ABCA12: variants seen among roughly 807,000 people sequenced by gnomAD.
ABCA12 encodes ATP binding cassette subfamily A member 12.
ABCA12 carries 156 observed loss-of-function variants against 293.5 expected under a neutral mutation model. The ratio of observed to expected loss-of-function variants is 0.53; its 90% CI spans 0.47 to 0.61. ABCA12 has a LOEUF of 0.61. Ranked by LOEUF, ABCA12 falls within the 20% of genes least tolerant of loss-of-function variation. The pLI, the probability that ABCA12 is intolerant of heterozygous loss-of-function variation, is 0.00. For synonymous variants in ABCA12, 1,063 were observed against 1,108.0 expected, an observed-to-expected ratio of 0.96 and a Z score of 0.81; for missense variants, 2,797 against 3,090.2, an observed-to-expected ratio of 0.91 and a Z score of 2.25.
At chr2:214,999,895 A>C in intron 22 of ABCA12, 3 of 920,914 alleles carry the variant, frequency 3.3e-6, no homozygotes, top group Non-Finnish European at 3.9e-6. Context: ...AAAAGAAGAG[A>C]AAAGAAAAAT....
intron 7 of ABCA12, among the ~76,000 whole-genome samples, chr2:215,045,084 C>T (rs1192753036): frequency 3.3e-5 from 5 of 152,138 alleles, no homozygotes; most frequent in East Asian, 1.9e-4. Context: ...TGTGTACAAA[C>T]GACTTGGTAA....
chr2:215,037,667 C>T (rs555013006), intron 7 of ABCA12, among the ~76,000 whole-genome samples: 4 of 152,112 alleles, frequency 2.6e-5, no homozygotes, highest in East Asian at 1.9e-4. Flanking sequence ...TTTATGTTAC[C>T]GATAAGATGG....
At chr2:215,102,599 A>G (rs1415008336) in intron 2 of ABCA12, among the ~76,000 whole-genome samples, 1 of 152,200 alleles carries the variant, frequency 6.6e-6, no homozygotes, top group Non-Finnish European at 1.5e-5. Context: ...ACCCTGTCTC[A>G]AAAAAATAAA....
intron 2 of ABCA12, among the ~76,000 whole-genome samples, chr2:215,073,434 T>C (rs1701775891): frequency 6.6e-6 from 1 of 151,958 alleles, no homozygotes; most frequent in Admixed American, 6.6e-5. Flanking sequence ...AGGAAGATGG[T>C]TTTAGCCTCT....
rs763023550 is a variant in ABCA12, at chr2:215,111,602, G to T, written c.158C>A (p.Pro53Gln). 1.2e-6 allele frequency: 2 copies of T among 1,600,224 alleles called. No individual in the cohort carries two copies. The highest frequency in any genetic ancestry group is 2.2e-5 in the East Asian group (1 of 44,686). ...TRTKFPPTAK[P>Q]TCYLAPRNLP... is the part of the protein sequence containing the mutation. ...AACAAATGTCATTTACTTACAAGTT[G>T]GTTTTGCAGTTGGAGGAAATTTGGT... The change falls in exon 2 of 53, where the codon CCA becomes CAA. Residue 53 changes from proline (P) to glutamine (Q), a missense_variant. Transcript: ENST00000272895.
At chr2:214,976,153 A>G (rs772373772) in intron 33 of ABCA12, 116 bp from the exon 34 acceptor site, 63 of 1,422,106 alleles carry the variant, frequency 4.4e-5, no homozygotes, top group Non-Finnish European at 5.9e-5. Flanking sequence ...GCTTTTAAAG[A>G]TTTGGATTTG....
At chr2:215,027,949 C>T (rs1182494634) in intron 9 of ABCA12, among the ~76,000 whole-genome samples, 2 of 152,200 alleles carry the variant, frequency 1.3e-5, no homozygotes, top group Non-Finnish European at 2.9e-5. Context: ...TTTCAGGCTA[C>T]ATGAGTGAGT....
chr2:214,982,436 C>T lies in ABCA12; in HGVS notation c.4383-53G>A, dbSNP rs1699690335. Reference sequence around the variant, plus strand: ...TTTTTACAGATATACTATTTGAGTACTGGAAACATACAATAACCCTAATTG... The same window carrying T: ...TTTTTACAGATATACTATTTGAGTATTGGAAACATACAATAACCCTAATTG... On this transcript the variant is annotated intron_variant, in intron 29 of 52. Coordinates refer to ENST00000272895, the MANE Select transcript of ABCA12 (RefSeq NM_173076.3). 2.7e-6 allele frequency: 4 copies of T among 1,477,332 alleles called. No homozygotes were observed. In the Admixed American group the frequency reaches 5.0e-5, roughly 19 times the overall value. 91.5% of individuals were successfully genotyped at this position (1,477,332 alleles called of 1,614,324 possible).
chr2:214,999,365 C>T (rs1204952300), intron 22 of ABCA12, among the ~76,000 whole-genome samples: 1 of 152,050 alleles, frequency 6.6e-6, no homozygotes, highest in Non-Finnish European at 1.5e-5. Context: ...TAGTGTAGTA[C>T]CAGTTATATT....
intron 1 of ABCA12, among the ~76,000 whole-genome samples, chr2:215,112,957 C>A (rs1036804576): frequency 6.6e-6 from 1 of 152,176 alleles, no homozygotes; most frequent in Non-Finnish European, 1.5e-5. Context: ...AGAACATTAA[C>A]TGTGATATGC....
chr2:215,001,472 C>G (rs1700144308), intron 21 of ABCA12, 86 bp downstream of exon 21: 1 of 1,570,650 alleles, frequency 6.4e-7, no homozygotes, highest in Non-Finnish European at 8.7e-7. Context: ...CACTAGTTTT[C>G]TGAGTTCTGG....
intron 3 of ABCA12, among the ~76,000 whole-genome samples, chr2:215,062,202 C>A (rs563195800): frequency 1.5e-4 from 23 of 152,112 alleles, no homozygotes; most frequent in Admixed American, 6.6e-5. Context: ...TGTTTTCCCT[C>A]CGCTGCTAGA....
chr2:215,119,131 T>G (rs1198968617), intron 1 of ABCA12, among the ~76,000 whole-genome samples: 2 of 152,064 alleles, frequency 1.3e-5, no homozygotes, highest in Admixed American at 6.6e-5. Flanking sequence ...CCACCACGCC[T>G]GGCTAAGTTT....
rs1698862618 is a variant in ABCA12, at chr2:214,953,991, T to C, written c.6510A>G (p.Lys2170=). 13 of 1,614,120 alleles carry C rather than the reference T, an allele frequency of 8.1e-6. No homozygotes were observed. Among genetic ancestry groups the C allele is most frequent in the Non-Finnish European group, 1.1e-5 (13 of 1,179,986 alleles). ...CATTTGGGTATTCCACTCCATATGCTTTTAAGAAGTCTAGGACCGACTGTT... is the reference window on the plus strand; with the variant it reads ...CATTTGGGTATTCCACTCCATATGCCTTTAAGAAGTCTAGGACCGACTGTT... The part of the protein sequence containing the change: ...SQQQSVLDFL[K]AYGVEYPNET... Residue 2170 remains lysine, a synonymous_variant, in exon 44 of 53, where the codon AAA becomes AAG. Coordinates refer to ENST00000272895, the MANE Select transcript of ABCA12 (RefSeq NM_173076.3).
chr2:214,993,981 ATT>A (rs1699981445), intron 23 of ABCA12, among the ~76,000 whole-genome samples: 1 of 152,066 alleles, frequency 6.6e-6, no homozygotes, highest in South Asian at 2.1e-4. Context: ...GAGACTCATC[ATT>A]TTGCTTTTTC....
chr2:215,059,622 T>A (rs1701489181), intron 3 of ABCA12, among the ~76,000 whole-genome samples: 1 of 151,998 alleles, frequency 6.6e-6, no homozygotes. Context: ...AGAGGCTAAC[T>A]AATACATTTC....
Position 214,956,676 on chromosome 2 carries a change from G to A in ABCA12, c.6220C>T (p.Leu2074Phe). 1.9e-6 allele frequency: 3 copies of A among 1,612,388 alleles called. No homozygotes were observed. Among genetic ancestry groups the A allele is most frequent in the Non-Finnish European group, 2.5e-6 (3 of 1,178,612 alleles). Residue 2074 changes from leucine to phenylalanine, a missense_variant, in exon 42 of 53, where the codon CTT becomes TTT. Leu to Phe is a conservative substitution (Grantham distance 22, BLOSUM62 0). Around this residue, in one of 3 missense-constraint regions of ABCA12, gnomAD observed 2,130 missense variants for 2,427.0 expected, o/e 0.88. Coordinates refer to ENST00000272895, the MANE Select transcript of ABCA12 (RefSeq NM_173076.3). ...TCAGCAGCTTACCCAAACAGGAGAAGTAGGAGAGATACAGCGCCTAGGTTG... is the reference window on the plus strand; with the variant it reads ...TCAGCAGCTTACCCAAACAGGAGAAATAGGAGAGATACAGCGCCTAGGTTG... ...ENNLGAVSLL[L>F]LLFGYATFSW...
At chr2:215,115,135 A>G (rs1702659426) in intron 1 of ABCA12, among the ~76,000 whole-genome samples, 1 of 152,226 alleles carries the variant, frequency 6.6e-6, no homozygotes, top group Non-Finnish European at 1.5e-5. Flanking sequence ...TCTTGAAGGC[A>G]AAAACCACAG....
At chr2:215,078,600 T>C (rs1178723920) in intron 2 of ABCA12, among the ~76,000 whole-genome samples, 3 of 152,232 alleles carry the variant, frequency 2.0e-5, no homozygotes, top group Admixed American at 2.0e-4. Flanking sequence ...ACACCCACAA[T>C]GGAGAATCAT....
Sources: gnomAD v4.1 joint callset for allele counts (sites outside exome capture counted in the v4.1 genomes callset) on GRCh38, gnomAD v4.1.1 for gene constraint, gnomAD v4.1.1 regional missense constraint, MANE v1.5 for transcripts, NCBI Gene and HGNC (gene_info 2026-07-23, HGNC 2026-07-21) for gene names.